The following PARD3B variants were observed in gnomAD, a reference collection of about 807,000 sequenced individuals.
PARD3B encodes the protein partitioning defective 3 homolog B.
Under a neutral mutation model 130.2 loss-of-function variants are expected in PARD3B, and 103 were observed. That is an observed-to-expected ratio of 0.79 (90% CI 0.67 to 0.93). PARD3B has a LOEUF of 0.93. PARD3B is among the 40% of genes least tolerant of loss of function. The pLI is 0.00. For missense variants in PARD3B, 1,609 were observed against 1,499.2 expected (o/e 1.07, Z -1.21); for synonymous variants, 583 against 553.2 (o/e 1.05, Z -0.76).
Position 205,315,644 on chromosome 2 carries a change from AGTTTGTTT to A in PARD3B, c.2630+13964_2630+13971del, listed in dbSNP as rs372865103. On this transcript the variant is annotated intron_variant, in intron 18 of 22. Coordinates refer to ENST00000406610, the MANE Select transcript of PARD3B (RefSeq NM_001302769.2). ...TCAATGCCCTCTATATTCTCGTCCCAGTTTGTTTGTTTGTTTGTTTGTTTGTTTTAGCG... is the reference window on the plus strand; with the variant it reads ...TCAATGCCCTCTATATTCTCGTCCCAGTTTGTTTGTTTGTTTGTTTTAGCG... 3.3e-5 allele frequency among the ~76,000 whole-genome samples: 5 copies of A among 152,130 alleles called. No individual in the cohort carries two copies. In the East Asian group the frequency reaches 5.8e-4, roughly 18 times the overall value.
intron 1 of PARD3B, among the ~76,000 whole-genome samples, chr2:204,628,399 T>C (rs1156959553): frequency 6.6e-6 from 1 of 152,150 alleles, no homozygotes; most frequent in East Asian, 1.9e-4. Context: ...TTGCTAAAGC[T>C]GCTTAAACAC....
intron 2 of PARD3B, among the ~76,000 whole-genome samples, chr2:204,862,776 C>T (rs76614976): frequency 0.01 from 1,586 of 152,210 alleles, 21 homozygotes; most frequent in African/African-American, 0.035. Context: ...AGGTTCTTGT[C>T]ACACGACCAG....
Position 205,473,982 on chromosome 2 carries a change from T to C in PARD3B, c.3045-25914T>C, listed in dbSNP as rs1457566866. Among the ~76,000 whole-genome samples, 3 of 151,600 alleles carry C rather than the reference T, an allele frequency of 2.0e-5. No individual in the cohort carries two copies. Among genetic ancestry groups the C allele is most frequent in the African/African-American group, 7.3e-5 (3 of 41,356 alleles). On this transcript the variant is annotated intron_variant, in intron 20 of 22. Transcript: ENST00000406610. This position sits in a 1 kb window ranked among gnomAD's most constrained non-coding sequence, Gnocchi z 4.9. ...TATTGGTAGGTTTCATTATGGGTCATAAAGCACTGTCATATACATGTTCTT... is the reference window on the plus strand; with the variant it reads ...TATTGGTAGGTTTCATTATGGGTCACAAAGCACTGTCATATACATGTTCTT...
intron 2 of PARD3B, among the ~76,000 whole-genome samples, chr2:204,904,250 C>T (rs2046967640): frequency 6.6e-6 from 1 of 152,148 alleles, no homozygotes; most frequent in African/African-American, 2.4e-5. Context: ...AATAATTTAG[C>T]TTCATCACTG....
chr2:204,907,075 G>A lies in PARD3B; in HGVS notation c.223-58077G>A, dbSNP rs561095021. Among the ~76,000 whole-genome samples, 1 of 152,138 alleles carries A rather than the reference G, an allele frequency of 6.6e-6. No individual in the cohort carries two copies. The highest frequency in any genetic ancestry group is 6.5e-5 in the Admixed American group (1 of 15,288). ...GGCTCACTGTAACCTCCACCTCCCG[G>A]GTTGTAGCAATTCTCCTGCCTCAGC... is the stretch of plus-strand genomic sequence containing the variant. On this transcript the variant is annotated intron_variant, in intron 2 of 22. Coordinates refer to ENST00000406610, the MANE Select transcript of PARD3B (RefSeq NM_001302769.2). This position sits in a 1 kb window ranked among gnomAD's most constrained non-coding sequence, Gnocchi z 5.7.
intron 13 of PARD3B, among the ~76,000 whole-genome samples, chr2:205,180,970 C>T: frequency 6.6e-6 from 1 of 152,162 alleles, no homozygotes; most frequent in South Asian, 2.1e-4. Context: ...AGATCTTACC[C>T]TGGGCCGAGG....
At chr2:204,791,279 G>T (rs1010090557) in intron 2 of PARD3B, among the ~76,000 whole-genome samples, 2 of 152,022 alleles carry the variant, frequency 1.3e-5, no homozygotes, top group African/African-American at 2.4e-5. Flanking sequence ...AATTACTTTT[G>T]ATCTACATTT....
At chr2:205,603,154 A>G (rs2054855780) in intron 22 of PARD3B, among the ~76,000 whole-genome samples, 1 of 152,160 alleles carries the variant, frequency 6.6e-6, no homozygotes, top group East Asian at 1.9e-4. Flanking sequence ...TTCAATTTCC[A>G]TGCAGTTGTG....
At chr2:205,197,030 G>T (rs61336913) in intron 15 of PARD3B, among the ~76,000 whole-genome samples, 3,124 of 15,542 alleles carry the variant, frequency 0.2, 52 homozygotes, top group Non-Finnish European at 0.25. Context: ...CTGTGGGGGG[G>T]GGGTGTGTGT....
chr2:205,039,503 T>G (rs1428730651), intron 3 of PARD3B, among the ~76,000 whole-genome samples: 1 of 152,178 alleles, frequency 6.6e-6, no homozygotes. Flanking sequence ...GGAATCTCGC[T>G]TTGTCACCCA....
At chr2:205,430,551 G>A (rs2047296418) in intron 19 of PARD3B, among the ~76,000 whole-genome samples, 1 of 152,212 alleles carries the variant, frequency 6.6e-6, no homozygotes, top group Non-Finnish European at 1.5e-5. Flanking sequence ...GGATATGGAA[G>A]ATTTCCATTT....
intron 2 of PARD3B, among the ~76,000 whole-genome samples, chr2:204,925,709 A>C (rs892564483): frequency 1.3e-5 from 2 of 152,072 alleles, no homozygotes; most frequent in Admixed American, 6.6e-5. Context: ...ATTATTGACT[A>C]AGCTTAAGCC....
chr2:205,526,191 T>A (rs866874633), intron 21 of PARD3B, among the ~76,000 whole-genome samples: 7 of 152,222 alleles, frequency 4.6e-5, no homozygotes, highest in African/African-American at 1.7e-4. Context: ...TCTTCTCAGA[T>A]CCATCTTTTT....
At chr2:204,966,568 T>C (rs1013671110) in intron 3 of PARD3B, among the ~76,000 whole-genome samples, 1 of 152,216 alleles carries the variant, frequency 6.6e-6, no homozygotes. Flanking sequence ...CTTATTTTAA[T>C]ATTCTATTTA....
intron 13 of PARD3B, among the ~76,000 whole-genome samples, chr2:205,182,504 A>G (rs1210839784): frequency 6.6e-6 from 1 of 152,134 alleles, no homozygotes; most frequent in African/African-American, 2.4e-5. Context: ...AAGAGACTGT[A>G]GAAGACATGG....
chr2:205,157,515 C>T (rs749729946), intron 10 of PARD3B, among the ~76,000 whole-genome samples: 8 of 151,942 alleles, frequency 5.3e-5, no homozygotes, highest in Non-Finnish European at 7.4e-5. Flanking sequence ...TTGAAAATGC[C>T]GCGTCAATGG....
At chr2:204,932,670 T>C (rs1176396993) in intron 2 of PARD3B, among the ~76,000 whole-genome samples, 2 of 152,166 alleles carry the variant, frequency 1.3e-5, no homozygotes, top group East Asian at 3.8e-4. Context: ...TCTTTGGAAG[T>C]AAATGTGTCT....
chr2:205,516,070 G>A (rs918378915), intron 21 of PARD3B, among the ~76,000 whole-genome samples: 3 of 152,088 alleles, frequency 2.0e-5, no homozygotes, highest in Admixed American at 6.5e-5. Context: ...TCCATTGCTC[G>A]TTTTTGTCAG....
chr2:205,174,722 T>C (rs2035368009), intron 12 of PARD3B, among the ~76,000 whole-genome samples: 1 of 152,218 alleles, frequency 6.6e-6, no homozygotes, highest in South Asian at 2.1e-4. Context: ...TTGAACATTA[T>C]ATTGATATCT....
Sources: allele counts gnomAD v4.1 joint callset (sites outside exome capture counted in the v4.1 genomes callset), GRCh38; gene constraint gnomAD v4.1.1; non-coding constraint Gnocchi (gnomAD v3.1); transcripts MANE v1.5; gene names NCBI Gene and HGNC (gene_info 2026-07-23, HGNC 2026-07-21).